The following TMC3 variants were observed in gnomAD, a reference collection of about 807,000 sequenced individuals.
TMC3 encodes the protein transmembrane channel-like protein 3.
TMC3 carries 98 observed loss-of-function variants against 110.6 expected under a neutral mutation model. That is an observed-to-expected ratio of 0.89 (90% CI 0.75 to 1.05). The LOEUF (loss-of-function observed/expected upper bound fraction) is 1.05. Among genes scored for constraint, TMC3 ranks in the 50% least tolerant of loss-of-function variants. The probability of loss-of-function intolerance (pLI) is 0.00; values close to 1 mark genes in which losing one functional copy is unlikely to be tolerated. For missense variants in TMC3, 1,319 were observed against 1,373.2 expected (o/e 0.96, Z 0.62); for synonymous variants, 489 against 513.1 (o/e 0.95, Z 0.63).
At position 81,333,245 on chromosome 15, in the gene TMC3, C is replaced by A; in HGVS notation, c.2477G>T (p.Cys826Phe). Residue 826 changes from cysteine to phenylalanine, a missense_variant, in exon 22 of 22, where the codon TGT becomes TTT. Coordinates refer to ENST00000359440, the MANE Select transcript of TMC3 (RefSeq NM_001080532.3). ...HETNRYLHGL[C>F]ASTSDLHRNR... ...CCTGTGAAGGTCACTGGTGCTTGCA[C>A]ACAGACCGTGCAGATACCTGTAAGA... The A allele has an allele frequency of 6.2e-7, 1 of 1,610,858 alleles. No individual in the cohort carries two copies. The highest frequency in any genetic ancestry group is 8.5e-7 in the Non-Finnish European group (1 of 1,177,980).
At chr15:81,340,313 G>A (rs935581814) in intron 16 of TMC3, among the ~76,000 whole-genome samples, 6 of 152,310 alleles carry the variant, frequency 3.9e-5, no homozygotes, top group East Asian at 1.9e-4. Context: ...TAGTAGGAGA[G>A]TGATAAGTTG....
Position 81,356,545 on chromosome 15 carries a change from A to G in TMC3, c.793T>C (p.Tyr265His), listed in dbSNP as rs1270191546. Reference protein sequence around the residue: ...TSLASASNENYTFCWRVFCAW... With the variant: ...TSLASASNENHTFCWRVFCAW... ...CAGAACACCCGCCAGCAGAAGGTAT[A>G]GTTTTCATTGGAAGCACTGGCAAGA... The change falls in exon 8 of 22, where the codon TAT becomes CAT. Residue 265 changes from tyrosine (Y) to histidine (H), a missense_variant. Physicochemically the swap from Tyr to His is moderately conservative, Grantham distance 83. Coordinates refer to ENST00000359440, the MANE Select transcript of TMC3 (RefSeq NM_001080532.3). 4 of 1,584,966 alleles carry G rather than the reference A, an allele frequency of 2.5e-6. No homozygotes were observed. The Admixed American group carries it at 5.4e-5, about 21-fold the overall frequency.
chr15:81,362,403 G>T, intron 3 of TMC3, 102 bp from the exon 4 acceptor site: 1 of 837,992 alleles, frequency 1.2e-6, no homozygotes, highest in Non-Finnish European at 1.9e-6. Context: ...ACTCCCTCTG[G>T]TACCTTTAAT....
Position 81,349,383 on chromosome 15 carries a change from G to A in TMC3, c.1193+75C>T, listed in dbSNP as rs766078516. ...AGAAAAGAAGCAAGCCCTGGCTCTT[G>A]AGGCACTTACATTCCCACTGTGGGT... On this transcript the variant is annotated intron_variant, in intron 11 of 21. Transcript: ENST00000359440. 8.8e-6 allele frequency: 8 copies of A among 909,918 alleles called. 1 individual carries two copies. Among genetic ancestry groups the A allele is most frequent in the African/African-American group, 3.5e-5 (2 of 57,550 alleles). 56.4% of individuals were successfully genotyped at this position (909,918 alleles called of 1,614,324 possible).
intron 7 of TMC3, among the ~76,000 whole-genome samples, chr15:81,356,812 A>C (rs561236588): frequency 6.6e-6 from 1 of 152,324 alleles, no homozygotes; most frequent in Non-Finnish European, 1.5e-5. Context: ...GCAATGGCCC[A>C]TTATTATATG....
Position 81,332,714 on chromosome 15 carries a change from T to C in TMC3, c.3008A>G (p.His1003Arg). Residue 1003 changes from histidine to arginine, a missense_variant, in exon 22 of 22, where the codon CAC becomes CGC. His to Arg is a conservative substitution (Grantham distance 29). Coordinates refer to ENST00000359440, the MANE Select transcript of TMC3 (RefSeq NM_001080532.3). ...YKSWNEDFEG[H>R]LERPAYVPRK... ...GGGCACATAGGCTGGCCTCTCAAGG[T>C]GACCCTCAAAATCTTCATTCCACGA... is the stretch of plus-strand genomic sequence containing the variant. 1 of 1,613,818 alleles carries C rather than the reference T, an allele frequency of 6.2e-7. No individual in the cohort carries two copies. Among genetic ancestry groups the C allele is most frequent in the Non-Finnish European group, 8.5e-7 (1 of 1,179,874 alleles).
At chr15:81,362,070 G>A in intron 4 of TMC3, 150 bp downstream of exon 4, 1 of 609,604 alleles carries the variant, frequency 1.6e-6, no homozygotes, top group East Asian at 3.1e-5. Flanking sequence ...TGTCTTCTGG[G>A]TCTGTTGTTC....
chr15:81,364,061 G>C (rs958014358), intron 3 of TMC3, among the ~76,000 whole-genome samples: 3 of 152,150 alleles, frequency 2.0e-5, no homozygotes, highest in African/African-American at 7.2e-5. Context: ...AGTAAGATTT[G>C]ATTAGTGGCA....
In TMC3 at chr15:81,331,788, G is replaced by C. The variant is rs1379146981; in HGVS notation, c.*631C>G. ...CAAAATGGAGCATTCCCCTGGTAAG[G>C]GAAGAACCTCGAGTGAGCGCGTGCA... On this transcript the variant is annotated 3_prime_UTR_variant, in exon 22 of 22. Coordinates refer to ENST00000359440, the MANE Select transcript of TMC3 (RefSeq NM_001080532.3). The C allele has an allele frequency of 6.6e-6, 1 of 152,198 alleles. No individual in the cohort carries two copies. The highest frequency in any genetic ancestry group is 2.4e-5 in the African/African-American group (1 of 41,446). The allele number at this position is 152,198 out of a possible 1,614,324, so 9.4% of individuals were successfully genotyped here.
At chr15:81,359,702 T>C (rs1197457567) in intron 4 of TMC3, among the ~76,000 whole-genome samples, 2 of 152,214 alleles carry the variant, frequency 1.3e-5, no homozygotes, top group Non-Finnish European at 2.9e-5. Flanking sequence ...CCTAAAATGC[T>C]ATTTGATAGT....
At chr15:81,342,562 G>C (rs1050259439) in intron 15 of TMC3, among the ~76,000 whole-genome samples, 1 of 152,146 alleles carries the variant, frequency 6.6e-6, no homozygotes, top group African/African-American at 2.4e-5. Context: ...AAATACAGTG[G>C]CTCTAAGAAT....
At chr15:81,349,887 C>A (rs141820649) in intron 10 of TMC3, among the ~76,000 whole-genome samples, 163 of 150,302 alleles carry the variant, frequency 1.1e-3, no homozygotes, top group African/African-American at 4.0e-3. Context: ...GCTTGTGAGG[C>A]CCAGGCAGGA....
Position 81,359,372 on chromosome 15 carries a change from A to G in TMC3, c.494T>C (p.Ile165Thr), listed in dbSNP as rs912235349. The G allele has an allele frequency of 2.5e-6, 4 of 1,599,240 alleles. No homozygotes were observed. The stretch of plus-strand genomic sequence containing the variant: ...TTTCCTGAAACATCTTACCTCTGGA[A>G]TGACAATAAAAGCACCTGTCATAAT... Reference protein sequence around the residue: ...LTIMTGAFIVIPELIAGQPFG... With the variant: ...LTIMTGAFIVTPELIAGQPFG... The change falls in exon 5 of 22, where the codon ATT (isoleucine) becomes ACT (threonine). Residue 165 changes from isoleucine (I) to threonine (T), a missense_variant. Coordinates refer to ENST00000359440, the MANE Select transcript of TMC3 (RefSeq NM_001080532.3).
chr15:81,357,800 C>T (rs978514459), intron 7 of TMC3, among the ~76,000 whole-genome samples: 5 of 152,202 alleles, frequency 3.3e-5, no homozygotes, highest in African/African-American at 1.2e-4. Context: ...AGTGCAGCTA[C>T]CACATTGTCT....
intron 3 of TMC3, among the ~76,000 whole-genome samples, chr15:81,365,954 ATG>A (rs554121124): frequency 1.6e-4 from 24 of 152,308 alleles, no homozygotes; most frequent in Admixed American, 1.6e-3. Context: ...GTTGTTAGAT[ATG>A]TGATACATGC....
intron 15 of TMC3, 147 bp from the exon 16 acceptor site, chr15:81,341,665 G>T: frequency 1.4e-6 from 1 of 707,388 alleles, no homozygotes; most frequent in South Asian, 2.3e-5. Context: ...GAAGTCCCGA[G>T]ACCACAACCC....
intron 5 of TMC3, 73 bp from the exon 6 acceptor site, chr15:81,358,573 T>TC: frequency 8.1e-7 from 1 of 1,230,310 alleles, no homozygotes; most frequent in Non-Finnish European, 1.1e-6. Flanking sequence ...GAGGTTGATC[T>TC]CCATGTGCTT....
At chr15:81,345,055 G>A (rs2141700860) in intron 12 of TMC3, 44 bp from the exon 13 acceptor site, 2 of 1,541,958 alleles carry the variant, frequency 1.3e-6, no homozygotes, top group Non-Finnish European at 1.8e-6. Context: ...GGGGAGAAAG[G>A]AAAATGGCGG....
chr15:81,332,788 G>A lies in TMC3; in HGVS notation c.2934C>T (p.Ser978=), dbSNP rs1893495150. 1 of 1,610,642 alleles carries A rather than the reference G, an allele frequency of 6.2e-7. No homozygotes were observed. Among genetic ancestry groups the A allele is most frequent in the African/African-American group, 1.3e-5 (1 of 74,852 alleles). ...RAPHFYIGER[S]ESQTRDPEHQ... is the part of the protein sequence containing the mutation. ...GCTCGGGATCCCGGGTCTGACTTTC[G>A]GACCTCTCCCCAATATAAAAATGAG... Residue 978 remains serine (S), a synonymous_variant, in exon 22 of 22, where the codon TCC becomes TCT. Transcript: ENST00000359440.
Sources: gnomAD v4.1 joint callset for allele counts (sites outside exome capture counted in the v4.1 genomes callset) on GRCh38, gnomAD v4.1.1 for gene constraint, MANE v1.5 for transcripts, NCBI Gene and HGNC (gene_info 2026-07-23, HGNC 2026-07-21) for gene names.